The following SLC20A1 variants were observed in gnomAD, a reference collection of about 807,000 sequenced individuals.
SLC20A1 encodes solute carrier family 20 member 1, also known as sodium-dependent phosphate transporter 1.
SLC20A1 carries 28 observed loss-of-function variants against 62.7 expected under a neutral mutation model. The ratio of observed to expected loss-of-function variants is 0.45; its 90% CI spans 0.33 to 0.61. The LOEUF (loss-of-function observed/expected upper bound fraction) is 0.61, where lower values mean the gene tolerates loss of function less well. SLC20A1 is among the 20% of genes least tolerant of loss of function. SLC20A1 has a pLI of 0.02. For missense variants in SLC20A1, 673 were observed against 838.6 expected (o/e 0.80, Z 2.44); for synonymous variants, 305 against 302.9 (o/e 1.01, Z -0.07).
intron 5 of SLC20A1, chr2:112,653,434 G>A (rs1686493936): frequency 1.2e-5 from 2 of 165,766 alleles, no homozygotes. Flanking sequence ...AACAACAAAA[G>A]ATTGGTAACT....
At chr2:112,653,877 C>T (rs920069425) in intron 5 of SLC20A1, among the ~76,000 whole-genome samples, 1 of 152,192 alleles carries the variant, frequency 6.6e-6, no homozygotes, top group South Asian at 2.1e-4. Flanking sequence ...ACCACAACCT[C>T]TACCTCCCGG....
chr2:112,661,995 G>C (rs1050812273), intron 10 of SLC20A1, among the ~76,000 whole-genome samples: 2 of 152,124 alleles, frequency 1.3e-5, no homozygotes, highest in Admixed American at 1.3e-4. Flanking sequence ...AAGTCTGTGA[G>C]GCTTGCCAAA....
intron 10 of SLC20A1, among the ~76,000 whole-genome samples, chr2:112,661,732 A>G (rs902260015): frequency 6.6e-6 from 1 of 152,112 alleles, no homozygotes; most frequent in Non-Finnish European, 1.5e-5. Flanking sequence ...TATTTTTAGT[A>G]GACACAGGAT....
intron 4 of SLC20A1, among the ~76,000 whole-genome samples, chr2:112,650,967 C>T (rs539957799): frequency 6.6e-6 from 1 of 152,320 alleles, no homozygotes; most frequent in East Asian, 1.9e-4. Context: ...TAAAAATACA[C>T]ACCTTAGTTT....
Position 112,659,656 on chromosome 2 carries a change from G to C in SLC20A1, c.1501G>C (p.Glu501Gln). 1 of 1,614,228 alleles carries C rather than the reference G, an allele frequency of 6.2e-7. No homozygotes were observed. The highest frequency in any genetic ancestry group is 8.5e-7 in the Non-Finnish European group (1 of 1,180,028). Residue 501 changes from glutamate (E) to glutamine (Q), a missense_variant, in exon 8 of 11, where the codon GAA becomes CAA. Coordinates refer to ENST00000272542, the MANE Select transcript of SLC20A1 (RefSeq NM_005415.5). ...CAGAAAAGGAAGTAATGGCTCTCTA[G>C]AAGAATGGTATGACCAGGATAAGCC... ...GDRKGSNGSL[E>Q]EWYDQDKPEV...
rs527474434 is a variant in SLC20A1 at position 112,652,603 on chromosome 2, T to A, written c.562-99T>A. The A allele has an allele frequency of 2.9e-5, 26 of 892,706 alleles. 1 individual carries two copies. The South Asian group carries it at 3.8e-4, about 13-fold the overall frequency. 55.3% of individuals were successfully genotyped at this position (892,706 alleles called of 1,614,324 possible). On this transcript the variant is annotated intron_variant, in intron 4 of 10. Coordinates refer to ENST00000272542, the MANE Select transcript of SLC20A1 (RefSeq NM_005415.5). ...TTGGAAACTACTCTGGAGAGAGTTA[T>A]TGGCACTATAATTCCCAAACCTACC...
rs1273822472 is a variant in SLC20A1 at position 112,659,270 on chromosome 2, C to A, written c.1115C>A (p.Ser372Tyr). ...CAAGCCGTCAGCAACCAAATAAACT[C>A]CAGTGGCCACTACCAGTATCACACC... is the stretch of plus-strand genomic sequence containing the variant. ...FSQAVSNQIN[S>Y]SGHYQYHTVH... The change falls in exon 8 of 11, where the codon TCC becomes TAC. Residue 372 changes from serine (S) to tyrosine (Y), a missense_variant. Transcript: ENST00000272542. The A allele has an allele frequency of 1.2e-6, 2 of 1,614,176 alleles. No individual in the cohort carries two copies. The highest frequency in any genetic ancestry group is 1.7e-5 in the Admixed American group (1 of 60,020).
At chr2:112,651,534 G>A (rs1027487259) in intron 4 of SLC20A1, among the ~76,000 whole-genome samples, 1 of 152,038 alleles carries the variant, frequency 6.6e-6, no homozygotes, top group Admixed American at 6.6e-5. Flanking sequence ...CTCCAGAGTA[G>A]CTGGGACTAC....
chr2:112,656,087 C>T (rs915326036), intron 5 of SLC20A1, among the ~76,000 whole-genome samples: 1 of 151,690 alleles, frequency 6.6e-6, no homozygotes, highest in South Asian at 2.1e-4. Flanking sequence ...TAATATTACT[C>T]ATTCTTAAAC....
intron 4 of SLC20A1, among the ~76,000 whole-genome samples, chr2:112,648,820 C>T (rs888328217): frequency 6.6e-5 from 10 of 152,200 alleles, no homozygotes; most frequent in African/African-American, 2.2e-4. Flanking sequence ...CAGACAGGTA[C>T]GATAAGCATC....
chr2:112,657,433 A>G (rs1029164485), intron 6 of SLC20A1, among the ~76,000 whole-genome samples, 192 bp downstream of exon 6: 1 of 152,212 alleles, frequency 6.6e-6, no homozygotes, highest in Non-Finnish European at 1.5e-5. Flanking sequence ...GTTCTTAAAA[A>G]TGGACTTACA....
At chr2:112,652,422 G>A (rs904481932) in intron 4 of SLC20A1, 6 of 467,936 alleles carry the variant, frequency 1.3e-5, no homozygotes, top group African/African-American at 2.0e-5. Flanking sequence ...GGGTACCTTA[G>A]AATGTGGGTA....
At position 112,657,132 on chromosome 2, in the gene SLC20A1, T is replaced by C. The variant is rs1245808984; in HGVS notation, c.669T>C (p.Phe223=). 6.2e-7 allele frequency: 1 copy of C among 1,613,784 alleles called. No homozygotes were observed. Among genetic ancestry groups the C allele is most frequent in the South Asian group, 1.1e-5 (1 of 91,060 alleles). Residue 223 remains phenylalanine (F), a synonymous_variant, in exon 6 of 11, where the codon TTT becomes TTC. Coordinates refer to ENST00000272542, the MANE Select transcript of SLC20A1 (RefSeq NM_005415.5). ...CATTTTATCTCCTAGTGCTGGGCTT[T>C]GACAAACTTCCTCTGTGGGGTACCA... ...IMYTGAPLLG[F]DKLPLWGTIL... is the part of the protein sequence containing the mutation.
intron 10 of SLC20A1, among the ~76,000 whole-genome samples, chr2:112,662,585 A>G (rs891006739): frequency 1.3e-5 from 2 of 152,142 alleles, no homozygotes; most frequent in African/African-American, 4.8e-5. Context: ...GTCTCAAAAA[A>G]TAAATAAATA....
intron 6 of SLC20A1, among the ~76,000 whole-genome samples, chr2:112,657,636 G>A (rs1207427536): frequency 6.6e-6 from 1 of 152,180 alleles, no homozygotes; most frequent in Non-Finnish European, 1.5e-5. Flanking sequence ...TATTTTCGTA[G>A]AGGAAATATT....
At chr2:112,657,692 G>C (rs1412481016) in intron 6 of SLC20A1, among the ~76,000 whole-genome samples, 1 of 152,216 alleles carries the variant, frequency 6.6e-6, no homozygotes, top group Non-Finnish European at 1.5e-5. Context: ...GACAAGCAAA[G>C]CTAAGTCTAA....
At chr2:112,661,982 A>G (rs934962194) in intron 10 of SLC20A1, among the ~76,000 whole-genome samples, 2 of 152,304 alleles carry the variant, frequency 1.3e-5, no homozygotes, top group Middle Eastern at 3.4e-3. Flanking sequence ...GCCTGGTTCT[A>G]ACAAGTCTGT....
At position 112,659,389 on chromosome 2, in the gene SLC20A1, T is replaced by C; in HGVS notation, c.1234T>C (p.Leu412=). Residue 412 remains leucine (L), a synonymous_variant, in exon 8 of 11, where the codon TTA becomes CTA. Coordinates refer to ENST00000272542, the MANE Select transcript of SLC20A1 (RefSeq NM_005415.5). Reference sequence around the variant, plus strand: ...CATGGGAGACTCCGGTGACAAACCCTTAAGGCGCAATAATAGCTATACTTC... The same window carrying C: ...CATGGGAGACTCCGGTGACAAACCCCTAAGGCGCAATAATAGCTATACTTC... The part of the protein sequence containing the change: ...DCMGDSGDKP[L]RRNNSYTSYT... 6.2e-7 allele frequency: 1 copy of C among 1,614,172 alleles called. No homozygotes were observed. Among genetic ancestry groups the C allele is most frequent in the Non-Finnish European group, 8.5e-7 (1 of 1,180,026 alleles).
At chr2:112,662,277 T>C (rs1224723015) in intron 10 of SLC20A1, among the ~76,000 whole-genome samples, 1 of 152,172 alleles carries the variant, frequency 6.6e-6, no homozygotes, top group Non-Finnish European at 1.5e-5. Context: ...TACAATGCAA[T>C]TTGTTATTAA....
Sources: gnomAD v4.1 joint callset for allele counts (sites outside exome capture counted in the v4.1 genomes callset) on GRCh38, gnomAD v4.1.1 for gene constraint, MANE v1.5 for transcripts, NCBI Gene and HGNC (gene_info 2026-07-23, HGNC 2026-07-21) for gene names.